The following CREB3L2 variants were observed in gnomAD, a reference collection of about 807,000 sequenced individuals.
CREB3L2 encodes cAMP responsive element binding protein 3 like 2.
In CREB3L2, 23 loss-of-function variants were observed where a neutral mutation model predicts 57.2. The ratio of observed to expected loss-of-function variants is 0.40; its 90% CI spans 0.29 to 0.57. The LOEUF (loss-of-function observed/expected upper bound fraction) is 0.57, where lower values mean the gene tolerates loss of function less well. Ranked by LOEUF, CREB3L2 falls within the 20% of genes least tolerant of loss-of-function variation. CREB3L2 has a pLI of 0.42. For synonymous variants in CREB3L2, 268 were observed against 265.1 expected (o/e 1.01, Z -0.11); for missense variants, 628 against 634.7 (o/e 0.99, Z 0.11).
chr7:137,999,600 G>T (rs1375961107), intron 1 of CREB3L2: 1 of 152,082 alleles, frequency 6.6e-6, no homozygotes, highest in Non-Finnish European at 1.5e-5. Flanking sequence ...TCTGCCCCTG[G>T]ATATCTAACA....
intron 7 of CREB3L2, among the ~76,000 whole-genome samples, chr7:137,903,218 T>C (rs6467723): frequency 0.057 from 8,679 of 152,240 alleles, 489 homozygotes; most frequent in East Asian, 0.18. Context: ...GCATTACCAG[T>C]ACTTAAGTCA....
chr7:137,912,085 T>C (rs1173808702), intron 4 of CREB3L2, among the ~76,000 whole-genome samples: 4 of 152,012 alleles, frequency 2.6e-5, no homozygotes, highest in Non-Finnish European at 5.9e-5. Flanking sequence ...TATAGAAATA[T>C]AACAACCTTG....
At chr7:137,917,300 G>A (rs939502098) in intron 2 of CREB3L2, among the ~76,000 whole-genome samples, 5 of 152,208 alleles carry the variant, frequency 3.3e-5, no homozygotes, top group East Asian at 1.9e-4. Flanking sequence ...TGGAGCTAGC[G>A]CTCAGCACTG....
chr7:137,962,887 C>G (rs970342260), intron 1 of CREB3L2, among the ~76,000 whole-genome samples: 1 of 152,300 alleles, frequency 6.6e-6, no homozygotes, highest in African/African-American at 2.4e-5. Flanking sequence ...CTTCCATCCT[C>G]GCACTCATCC....
chr7:137,972,709 A>AC (rs1245434184), intron 1 of CREB3L2, among the ~76,000 whole-genome samples: 4 of 39,742 alleles, frequency 1.0e-4, no homozygotes, highest in South Asian at 9.7e-4. Flanking sequence ...AAAAAAAAAA[A>AC]AAAATATATA....
intron 1 of CREB3L2, among the ~76,000 whole-genome samples, chr7:137,972,595 C>T (rs1358488634): frequency 2.1e-5 from 3 of 141,338 alleles, no homozygotes; most frequent in Non-Finnish European, 4.6e-5. Flanking sequence ...ATCTGTAATC[C>T]CAGCTACTTG....
In CREB3L2 at chr7:137,908,439, G is replaced by A. The variant is rs779716303; in HGVS notation, c.584-3C>T. On this transcript the variant is annotated splice_polypyrimidine_tract_variant and splice_region_variant and intron_variant, in intron 4 of 11. Transcript: ENST00000330387. ...CAAATGCAGGTGGTCCACTGGGGCT[G>A]CAAAAAAGGAAGCACATCTCATCCA... The A allele has an allele frequency of 5.5e-6, 7 of 1,261,396 alleles. No individual in the cohort carries two copies. Among genetic ancestry groups the A allele is most frequent in the Non-Finnish European group, 7.0e-6 (7 of 995,940 alleles). 78.1% of individuals were successfully genotyped at this position (1,261,396 alleles called of 1,614,324 possible). A position where few individuals can be genotyped will look rare whatever the true frequency, so the allele number is the denominator to read the frequency against.
In CREB3L2 at chr7:137,980,510, C is replaced by T. The variant is rs1028582753; in HGVS notation, c.102+21094G>A. Among the ~76,000 whole-genome samples, 1 of 152,202 alleles carries T rather than the reference C, an allele frequency of 6.6e-6. No individual in the cohort carries two copies. The highest frequency in any genetic ancestry group is 1.9e-4 in the East Asian group (1 of 5,196). Reference sequence around the variant, plus strand: ...AAAAAGGTTCCAAACTGGTGGGGGGCAACCCCAGGCCTAGACAAACACAAC... The same window carrying T: ...AAAAAGGTTCCAAACTGGTGGGGGGTAACCCCAGGCCTAGACAAACACAAC... On this transcript the variant is annotated intron_variant, in intron 1 of 11. Transcript: ENST00000330387. This position sits in a 1 kb window ranked among gnomAD's most constrained non-coding sequence, Gnocchi z 4.3.
rs995349995 is a variant in CREB3L2 at position 137,878,884 on chromosome 7, T to A, written c.*1592A>T. The stretch of plus-strand genomic sequence containing the variant: ...GGGCTTAATCCCTCTAAGTACAGGC[T>A]CCAATAACAATGCAGATGACGTGTG... On this transcript the variant is annotated 3_prime_UTR_variant, in exon 12 of 12. Coordinates refer to ENST00000330387, the MANE Select transcript of CREB3L2 (RefSeq NM_194071.4). The A allele has an allele frequency of 2.9e-4, 106 of 370,386 alleles. No homozygotes were observed. The highest frequency in any genetic ancestry group is 5.1e-4 in the Non-Finnish European group (102 of 199,992). 22.9% of individuals were successfully genotyped at this position (370,386 alleles called of 1,614,324 possible).
chr7:137,938,589 C>G (rs1041378320), intron 1 of CREB3L2, among the ~76,000 whole-genome samples: 1 of 152,038 alleles, frequency 6.6e-6, no homozygotes, highest in Non-Finnish European at 1.5e-5. Flanking sequence ...TGTGATCCAC[C>G]CGCCTCGGCT....
rs569795312 is a variant in CREB3L2, at chr7:137,965,165, A to G, written c.102+36439T>C. 7.2e-5 allele frequency among the ~76,000 whole-genome samples: 11 copies of G among 152,324 alleles called. No homozygotes were observed. The South Asian group carries it at 2.1e-3, about 29-fold the overall frequency. On this transcript the variant is annotated intron_variant, in intron 1 of 11. Coordinates refer to ENST00000330387, the MANE Select transcript of CREB3L2 (RefSeq NM_194071.4). ...ATAAGGTAACATTCTAAATTCAACT[A>G]TCTCTAAAGCCAGAGTTAGATCAAG...
rs141081819 is a variant in CREB3L2 at position 137,875,682 on chromosome 7, C to A, written c.*4794G>T. On this transcript the variant is annotated 3_prime_UTR_variant, in exon 12 of 12. Coordinates refer to ENST00000330387, the MANE Select transcript of CREB3L2 (RefSeq NM_194071.4). ...CAGTGTGCTCACAGGAAGGAATCGG[C>A]TCAGCTAGTCCAGAAATTGCTGCAT... 7.6e-4 allele frequency: 167 copies of A among 219,838 alleles called. No homozygotes were observed. In the Middle Eastern group the frequency reaches 0.012, roughly 16 times the overall value. 13.6% of individuals were successfully genotyped at this position (219,838 alleles called of 1,614,324 possible).
chr7:137,927,184 T>G (rs1226067242), intron 2 of CREB3L2, among the ~76,000 whole-genome samples: 55 of 114,352 alleles, frequency 4.8e-4, no homozygotes, highest in African/African-American at 6.9e-4. Flanking sequence ...AAGAAGGGAG[T>G]GAGGAAGGAA....
intron 1 of CREB3L2, among the ~76,000 whole-genome samples, chr7:137,944,729 T>A (rs149198101): frequency 3.9e-5 from 6 of 152,318 alleles, no homozygotes; most frequent in Non-Finnish European, 7.4e-5. Context: ...ACGTCATATA[T>A]CTAAATGAAA....
At chr7:137,940,037 C>G (rs1253276977) in intron 1 of CREB3L2, among the ~76,000 whole-genome samples, 1 of 152,214 alleles carries the variant, frequency 6.6e-6, no homozygotes, top group African/African-American at 2.4e-5. Context: ...TTGTTGATAT[C>G]CCTCCTTCTG....
At chr7:137,955,507 C>G (rs1339799607) in intron 1 of CREB3L2, among the ~76,000 whole-genome samples, 1 of 152,202 alleles carries the variant, frequency 6.6e-6, no homozygotes, top group Admixed American at 6.5e-5. Context: ...ATTTTCACTT[C>G]TAATTTGTGA....
At chr7:137,996,396 A>T (rs1162997793) in intron 1 of CREB3L2, among the ~76,000 whole-genome samples, 1 of 152,176 alleles carries the variant, frequency 6.6e-6, no homozygotes, top group Non-Finnish European at 1.5e-5. Flanking sequence ...AATTATACTT[A>T]CTTCCCAATT....
At chr7:137,959,158 G>C (rs756024406) in intron 1 of CREB3L2, among the ~76,000 whole-genome samples, 1 of 152,186 alleles carries the variant, frequency 6.6e-6, no homozygotes, top group African/African-American at 2.4e-5. Flanking sequence ...CTCCCATGAA[G>C]AGGTGATGTC....
chr7:137,884,530 G>A (rs1264390663), intron 10 of CREB3L2: 5 of 231,558 alleles, frequency 2.2e-5, no homozygotes, highest in Non-Finnish European at 4.3e-5. Context: ...TTACAGGCGT[G>A]AGCCACCACG....
Sources: gnomAD v4.1 joint callset for allele counts (sites outside exome capture counted in the v4.1 genomes callset) on GRCh38, gnomAD v4.1.1 for gene constraint, Gnocchi (gnomAD v3.1) non-coding constraint, MANE v1.5 for transcripts, NCBI Gene and HGNC (gene_info 2026-07-23, HGNC 2026-07-21) for gene names.